The following RBFOX1 variants were observed in gnomAD, a reference collection of about 807,000 sequenced individuals.
RBFOX1 encodes the protein RNA binding protein fox-1 homolog 1.
Under a neutral mutation model 57.7 loss-of-function variants are expected in RBFOX1, and 8 were observed. The ratio of observed to expected loss-of-function variants is 0.14; its 90% CI spans 0.08 to 0.25. The LOEUF (loss-of-function observed/expected upper bound fraction) is 0.25, where lower values mean the gene tolerates loss of function less well. Ranked by LOEUF, RBFOX1 falls within the 10% of genes least tolerant of loss-of-function variation. The pLI is 1.00. For synonymous variants in RBFOX1, 326 were observed against 222.4 expected (o/e 1.47, Z -4.15); for missense variants, 611 against 548.5 (o/e 1.11, Z -1.14).
intron 5 of RBFOX1, among the ~76,000 whole-genome samples, chr16:7,579,555 T>C (rs2093592984): frequency 6.6e-6 from 1 of 152,196 alleles, no homozygotes; most frequent in Admixed American, 6.5e-5. Flanking sequence ...GGGATTTTTG[T>C]CTGCTTTTCC....
At chr16:6,184,591 G>A (rs3940324) in intron 1 of RBFOX1, among the ~76,000 whole-genome samples, 37 of 152,208 alleles carry the variant, frequency 2.4e-4, no homozygotes, top group African/African-American at 8.9e-4. Flanking sequence ...ACAGAGTCTC[G>A]CTCTTTTGCC....
intron 4 of RBFOX1, among the ~76,000 whole-genome samples, chr16:5,904,832 C>G (rs2058408803): frequency 2.6e-5 from 4 of 151,424 alleles, no homozygotes; most frequent in Admixed American, 2.6e-4. Flanking sequence ...AAAAAGTTAA[C>G]CGGGCATGGT....
chr16:6,922,436 C>T (rs1391528258), intron 3 of RBFOX1, among the ~76,000 whole-genome samples: 2 of 152,216 alleles, frequency 1.3e-5, no homozygotes, highest in East Asian at 3.9e-4. Context: ...TGAGCACTTC[C>T]AGGCTGTCTT....
intron 4 of RBFOX1, among the ~76,000 whole-genome samples, chr16:7,214,197 C>G (rs942393154): frequency 6.6e-6 from 1 of 152,124 alleles, no homozygotes; most frequent in African/African-American, 2.4e-5. Flanking sequence ...CTTCATTTAT[C>G]CTAGGATATG....
At chr16:7,187,141 C>G (rs1418540075) in intron 4 of RBFOX1, among the ~76,000 whole-genome samples, 1 of 151,712 alleles carries the variant, frequency 6.6e-6, no homozygotes, top group South Asian at 2.1e-4. Context: ...TGCACTCCAG[C>G]TTGGGCGATG....
chr16:5,936,345 A>C (rs961630259), intron 4 of RBFOX1, among the ~76,000 whole-genome samples: 5 of 152,168 alleles, frequency 3.3e-5, no homozygotes, highest in African/African-American at 7.2e-5. Context: ...ACTGGTCTCA[A>C]ATGCCTGACC....
intron 3 of RBFOX1, among the ~76,000 whole-genome samples, chr16:5,646,416 G>T (rs899766695): frequency 6.6e-6 from 1 of 152,108 alleles, no homozygotes; most frequent in Non-Finnish European, 1.5e-5. Flanking sequence ...TGGGATTAGA[G>T]CCATGAGCCA....
intron 4 of RBFOX1, among the ~76,000 whole-genome samples, chr16:7,187,353 G>T (rs1372339630): frequency 6.6e-6 from 1 of 152,012 alleles, no homozygotes; most frequent in African/African-American, 2.4e-5. Context: ...TTAAAAAATT[G>T]TGTGAAGTCT....
At position 6,194,518 on chromosome 16, in the gene RBFOX1, C is replaced by T. The variant is rs201222327; in HGVS notation, c.-126-122477C>T. Among the ~76,000 whole-genome samples, 3 of 152,120 alleles carry T rather than the reference C, an allele frequency of 2.0e-5. No homozygotes were observed. In the East Asian group the frequency reaches 5.8e-4, roughly 29 times the overall value. On this transcript the variant is annotated intron_variant, in intron 1 of 15. Transcript: ENST00000550418. ...TTTACAGTTCAGTGCACGTAATGAG[C>T]CTGTACTCATTTCTCTGTCTTTATG...
chr16:6,162,786 T>A (rs2096889295), intron 1 of RBFOX1, among the ~76,000 whole-genome samples: 1 of 152,302 alleles, frequency 6.6e-6, no homozygotes, highest in Middle Eastern at 3.4e-3. Context: ...CAGGCTAAAC[T>A]GTAGTGACAT....
chr16:6,193,426 A>AT (rs1567651821), intron 1 of RBFOX1, among the ~76,000 whole-genome samples: 4,804 of 93,792 alleles, frequency 0.051, 218 homozygotes, highest in Non-Finnish European at 0.086. Context: ...ATATATATAT[A>AT]AAATTCAGTG....
At chr16:6,654,451 C>G (rs1234052158) in intron 2 of RBFOX1, among the ~76,000 whole-genome samples, 152 bp from the exon 3 acceptor site, 1 of 152,106 alleles carries the variant, frequency 6.6e-6, no homozygotes, top group African/African-American at 2.4e-5. Context: ...TTAAAAAGCA[C>G]TATAAAGAGC....
At chr16:6,812,129 C>T (rs978008928) in intron 3 of RBFOX1, among the ~76,000 whole-genome samples, 8 of 152,136 alleles carry the variant, frequency 5.3e-5, no homozygotes, top group African/African-American at 1.9e-4. Flanking sequence ...ACTACCAAAG[C>T]AAAATCGTTT....
At chr16:6,593,053 G>C (rs1417591280) in intron 2 of RBFOX1, among the ~76,000 whole-genome samples, 2 of 152,170 alleles carry the variant, frequency 1.3e-5, no homozygotes, top group Admixed American at 1.3e-4. Flanking sequence ...TTAGCTGGGT[G>C]TGGTGGCAGG....
At chr16:6,037,394 T>A (rs2095378905) in intron 1 of RBFOX1, 1 of 152,134 alleles carries the variant, frequency 6.6e-6, no homozygotes, top group Non-Finnish European at 1.5e-5. Context: ...TAGCTAGACT[T>A]CCTGGTACAA....
intron 1 of RBFOX1, among the ~76,000 whole-genome samples, chr16:6,065,229 C>G (rs553312881): frequency 2.8e-5 from 4 of 141,696 alleles, no homozygotes; most frequent in African/African-American, 7.8e-5. Flanking sequence ...GAGACAGGAT[C>G]TTGCTGTGTT....
intron 1 of RBFOX1, among the ~76,000 whole-genome samples, chr16:6,110,195 C>CTTTTTTTT (rs3049169): frequency 1.6e-5 from 2 of 128,214 alleles, no homozygotes; most frequent in African/African-American, 2.9e-5. Flanking sequence ...TTTTCTTCTT[C>CTTTTTTTT]TTTTTTTTTT....
chr16:5,972,281 A>G (rs1466344352), intron 4 of RBFOX1, among the ~76,000 whole-genome samples: 3 of 152,290 alleles, frequency 2.0e-5, no homozygotes, highest in East Asian at 1.9e-4. Context: ...TGCTAAGTGG[A>G]TTCCTAGAAA....
At chr16:6,259,068 G>A (rs999370742) in intron 1 of RBFOX1, among the ~76,000 whole-genome samples, 2 of 152,022 alleles carry the variant, frequency 1.3e-5, no homozygotes, top group African/African-American at 4.8e-5. Flanking sequence ...CAGGGTATTC[G>A]GTATTTAATT....
Sources: allele counts gnomAD v4.1 joint callset (sites outside exome capture counted in the v4.1 genomes callset), GRCh38; gene constraint gnomAD v4.1.1; transcripts MANE v1.5; gene names NCBI Gene and HGNC (gene_info 2026-07-23, HGNC 2026-07-21).